The following KLF8 variants were observed in gnomAD, a reference collection of about 807,000 sequenced individuals.
The protein encoded by KLF8 is Krueppel-like factor 8.
KLF8 carries 10 observed loss-of-function variants against 18.2 expected under a neutral mutation model. That is an observed-to-expected ratio of 0.55 (90% CI 0.34 to 0.93). The LOEUF (loss-of-function observed/expected upper bound fraction) is 0.93. KLF8 is among the 40% of genes least tolerant of loss of function. KLF8 has a pLI of 0.02. For missense variants in KLF8, 264 were observed against 277.9 expected (o/e 0.95, Z 0.36); for synonymous variants, 109 against 97.3 (o/e 1.12, Z -0.71).
chrX:56,037,748 T>A, the KLF8 span, among the ~76,000 whole-genome samples: 1 of 110,929 alleles, frequency 9.0e-6, no homozygotes, highest in African/African-American at 3.3e-5. Context: ...AGGCATGCAA[T>A]GTGAAATAAA....
the KLF8 span, among the ~76,000 whole-genome samples, chrX:56,041,200 C>G: frequency 9.1e-6 from 1 of 110,049 alleles, no homozygotes; most frequent in African/African-American, 3.3e-5. Flanking sequence ...TCTCGGCTCA[C>G]TGCCACCTCC....
chrX:55,913,384 TA>T, the KLF8 span, among the ~76,000 whole-genome samples: 5 of 111,666 alleles, frequency 4.5e-5, no homozygotes, highest in Non-Finnish European at 9.4e-5. Context: ...TTTATAGAGG[TA>T]AAAATTTAAA....
At chrX:55,944,821 T>C in the KLF8 span, among the ~76,000 whole-genome samples, 2 of 111,724 alleles carry the variant, frequency 1.8e-5, no homozygotes, top group Non-Finnish European at 3.8e-5. Context: ...TTTTTGTGTC[T>C]CTATTTCCTT....
At chrX:56,213,569 C>T in the KLF8 span, among the ~76,000 whole-genome samples, 20 of 109,515 alleles carry the variant, frequency 1.8e-4, no homozygotes, top group Non-Finnish European at 3.2e-4. Flanking sequence ...GTAATCCACC[C>T]GCCTTGGCCT....
the KLF8 span, among the ~76,000 whole-genome samples, chrX:56,131,237 G>A: frequency 9.0e-6 from 1 of 111,668 alleles, no homozygotes; most frequent in Non-Finnish European, 1.9e-5. Flanking sequence ...GAGCTGTAAG[G>A]CAAAAGCACC....
the KLF8 span, among the ~76,000 whole-genome samples, chrX:56,019,489 G>T: frequency 8.9e-6 from 1 of 112,568 alleles, no homozygotes; most frequent in Non-Finnish European, 1.9e-5. Flanking sequence ...GATGTATTGA[G>T]CACTTGCTCT....
chrX:55,925,012 C>T, the KLF8 span, among the ~76,000 whole-genome samples: 1 of 100,092 alleles, frequency 1.0e-5, no homozygotes, highest in African/African-American at 3.9e-5. Context: ...TCTGCCACCA[C>T]GCCCAGCTAA....
chrX:55,993,217 A>G, the KLF8 span, among the ~76,000 whole-genome samples: 1 of 111,263 alleles, frequency 9.0e-6, no homozygotes, highest in Non-Finnish European at 1.9e-5. Context: ...CCCATTCAGT[A>G]TGATGTTGGC....
upstream of KLF8, among the ~76,000 whole-genome samples, chrX:56,231,546 TG>T (rs1009067724): frequency 8.9e-6 from 1 of 111,785 alleles, no homozygotes; most frequent in African/African-American, 3.3e-5. Flanking sequence ...CCCTCTGCTT[TG>T]TTTCTTGTCT....
chrX:56,218,105 T>G, the KLF8 span, among the ~76,000 whole-genome samples: 1 of 111,754 alleles, frequency 8.9e-6, no homozygotes, highest in African/African-American at 3.3e-5. Context: ...AACCTGTACC[T>G]GTGCCTGCAT....
chrX:56,051,977 C>CT, the KLF8 span, among the ~76,000 whole-genome samples: 3 of 110,367 alleles, frequency 2.7e-5, no homozygotes, highest in African/African-American at 1.0e-4. Context: ...TATTTTTATT[C>CT]TTTTTTCTCT....
the KLF8 span, among the ~76,000 whole-genome samples, chrX:56,148,456 A>G: frequency 9.0e-6 from 1 of 111,131 alleles, no homozygotes; most frequent in African/African-American, 3.3e-5. Context: ...AAAAAAATAG[A>G]GAAATACACC....
chrX:56,168,939 G>C, the KLF8 span, among the ~76,000 whole-genome samples: 5 of 111,701 alleles, frequency 4.5e-5, no homozygotes, highest in African/African-American at 6.5e-5. Flanking sequence ...ATAAACTGAA[G>C]ACAACATATT....
At chrX:55,925,269 C>T in the KLF8 span, among the ~76,000 whole-genome samples, 9 of 102,725 alleles carry the variant, frequency 8.8e-5, no homozygotes, top group Admixed American at 2.2e-4. Context: ...CAGTTTAGTT[C>T]GGAAAGGAGG....
the KLF8 span, among the ~76,000 whole-genome samples, chrX:56,046,914 G>A: frequency 9.0e-6 from 1 of 111,388 alleles, no homozygotes; most frequent in African/African-American, 3.3e-5. Flanking sequence ...TAGATCTCTA[G>A]CAAGGCCAGG....
chrX:56,253,451 A>G (rs2066741567), intron 2 of KLF8, among the ~76,000 whole-genome samples: 2 of 111,986 alleles, frequency 1.8e-5, no homozygotes, highest in South Asian at 7.5e-4. Flanking sequence ...TCCCAGCACC[A>G]TTTATTGAAG....
At chrX:56,093,021 A>C in the KLF8 span, among the ~76,000 whole-genome samples, 1 of 110,801 alleles carries the variant, frequency 9.0e-6, no homozygotes, top group African/African-American at 3.2e-5. Context: ...GAATGAAAAA[A>C]AAAAAACAGA....
chrX:55,961,523 C>T, the KLF8 span: 358 of 545,448 alleles, frequency 6.6e-4, no homozygotes, highest in African/African-American at 1.8e-3. Context: ...GAATTTTGCA[C>T]GGCATCTGCA....
At chrX:56,081,511 C>A in the KLF8 span, among the ~76,000 whole-genome samples, 1 of 112,003 alleles carries the variant, frequency 8.9e-6, no homozygotes, top group Non-Finnish European at 1.9e-5. Context: ...ACTTTCAGTA[C>A]ACTTTTCAAT....
Sources: allele counts gnomAD v4.1 joint callset (sites outside exome capture counted in the v4.1 genomes callset), GRCh38; gene constraint gnomAD v4.1.1; transcripts MANE v1.5; gene names NCBI Gene and HGNC (gene_info 2026-07-23, HGNC 2026-07-21).